RRM2B: variants seen among roughly 807,000 people sequenced by gnomAD.
RRM2B encodes the protein ribonucleoside-diphosphate reductase subunit M2 B.
In RRM2B, 20 loss-of-function variants were observed where a neutral mutation model predicts 45.9. The ratio of observed to expected loss-of-function variants is 0.44; its 90% CI spans 0.31 to 0.63. RRM2B has a LOEUF of 0.63. Among genes scored for constraint, RRM2B ranks in the 30% least tolerant of loss-of-function variants. The pLI is 0.09. For missense variants in RRM2B, 320 were observed against 414.7 expected, an observed-to-expected ratio of 0.77 and a Z score of 1.98; for synonymous variants, 124 against 132.3, an observed-to-expected ratio of 0.94 and a Z score of 0.43.
chr8:102,227,652 C>A (rs1810955567), intron 2 of RRM2B, among the ~76,000 whole-genome samples: 1 of 152,142 alleles, frequency 6.6e-6, no homozygotes, highest in Non-Finnish European at 1.5e-5. Flanking sequence ...GGGGCTATAA[C>A]AAATTACCAT....
At position 102,209,839 on chromosome 8, in the gene RRM2B, A is replaced by G. The variant is rs1810605925; in HGVS notation, c.904-1554T>C. ...CTGATACATGCTACAACATGAATGC[A>G]CCATGAAAACACACTAAGGAAAGAA... On this transcript the variant is annotated intron_variant, in intron 8 of 8. Transcript: ENST00000251810. Among the ~76,000 whole-genome samples the G allele has an allele frequency of 2.0e-5, 3 of 152,362 alleles. No homozygotes were observed. The South Asian group carries it at 6.2e-4, about 32-fold the overall frequency.
intron 1 of RRM2B, among the ~76,000 whole-genome samples, chr8:102,236,470 G>A (rs182924167): frequency 1.3e-5 from 2 of 152,346 alleles, no homozygotes; most frequent in East Asian, 3.9e-4. Context: ...AGATGGAAAT[G>A]AGGACTTGAA....
In RRM2B at chr8:102,205,458, T is replaced by A. The variant is rs3735720; in HGVS notation, c.*2675A>T. ...CAAGACAAGGCTGGGGCCAGCTTAGTTGTAAGAAAAACTATTATTGTATAT... is the reference window on the plus strand; with the variant it reads ...CAAGACAAGGCTGGGGCCAGCTTAGATGTAAGAAAAACTATTATTGTATAT... On this transcript the variant is annotated 3_prime_UTR_variant, in exon 9 of 9. Transcript: ENST00000251810. The A allele has an allele frequency of 6.6e-6, 1 of 152,098 alleles. No individual in the cohort carries two copies. The highest frequency in any genetic ancestry group is 1.5e-5 in the Non-Finnish European group (1 of 67,964). The allele number at this position is 152,098 out of a possible 1,614,324, so 9.4% of individuals were successfully genotyped here. A position where few individuals can be genotyped will look rare whatever the true frequency, so the allele number is the denominator to read the frequency against.
intron 6 of RRM2B, among the ~76,000 whole-genome samples, chr8:102,218,318 G>GGT (rs1312939016): frequency 1.3e-5 from 2 of 152,122 alleles, no homozygotes; most frequent in Non-Finnish European, 2.9e-5. Flanking sequence ...GAGGAGAAAT[G>GGT]GTAAGAGACA....
chr8:102,213,921 G>A (rs1193244514), intron 7 of RRM2B, 133 bp downstream of exon 7: 4 of 695,682 alleles, frequency 5.7e-6, no homozygotes, highest in African/African-American at 5.3e-5. Flanking sequence ...TCATGTATTG[G>A]TATTGTCAGG....
intron 7 of RRM2B, among the ~76,000 whole-genome samples, chr8:102,213,771 A>C (rs1391392105): frequency 6.6e-6 from 1 of 152,206 alleles, no homozygotes; most frequent in Non-Finnish European, 1.5e-5. Context: ...TAATTAGCTG[A>C]TCATGGCATA....
At chr8:102,224,497 C>G (rs1482039676) in intron 4 of RRM2B, among the ~76,000 whole-genome samples, 1 of 152,142 alleles carries the variant, frequency 6.6e-6, no homozygotes, top group Non-Finnish European at 1.5e-5. Context: ...CTTAATTGGA[C>G]TAAACTTAAT....
At chr8:102,222,222 C>T (rs1810849376) in intron 5 of RRM2B, among the ~76,000 whole-genome samples, 1 of 152,024 alleles carries the variant, frequency 6.6e-6, no homozygotes, top group Admixed American at 6.6e-5. Context: ...TATACAGGTG[C>T]ATGCCACCAC....
At chr8:102,218,232 A>C (rs1482755496) in intron 6 of RRM2B, among the ~76,000 whole-genome samples, 1 of 152,200 alleles carries the variant, frequency 6.6e-6, no homozygotes, top group Non-Finnish European at 1.5e-5. Flanking sequence ...ATCAGCCAGG[A>C]GGGCATATAT....
intron 6 of RRM2B, among the ~76,000 whole-genome samples, chr8:102,217,986 A>T (rs1245876987): frequency 6.6e-6 from 1 of 152,238 alleles, no homozygotes; most frequent in Admixed American, 6.5e-5. Context: ...AAAGAAGGAT[A>T]GAGACACTCA....
At chr8:102,217,425 C>T (rs1336673747) in intron 6 of RRM2B, among the ~76,000 whole-genome samples, 3 of 151,830 alleles carry the variant, frequency 2.0e-5, no homozygotes, top group Non-Finnish European at 2.9e-5. Flanking sequence ...AATTTAAAGC[C>T]ATGAAAAAGC....
chr8:102,223,029 G>A (rs28928579), intron 5 of RRM2B, among the ~76,000 whole-genome samples: 4 of 152,124 alleles, frequency 2.6e-5, no homozygotes, highest in Admixed American at 2.0e-4. Flanking sequence ...AAAGGGGCCT[G>A]AGACCAAAAA....
chr8:102,234,456 A>C (rs749101580), intron 1 of RRM2B, among the ~76,000 whole-genome samples: 2 of 152,148 alleles, frequency 1.3e-5, no homozygotes, highest in African/African-American at 2.4e-5. Context: ...TTTGAATACA[A>C]TTTCAGAAAG....
Position 102,238,663 on chromosome 8 carries a change from G to A in RRM2B, c.48+164C>T, listed in dbSNP as rs777054200. 15 of 1,538,168 alleles carry A rather than the reference G, an allele frequency of 9.8e-6. No homozygotes were observed. In the African/African-American group the frequency reaches 1.8e-4, roughly 18 times the overall value. ...TCCTTCCTCCGCCCTCCCCGGGGAC[G>A]GCCTCCCCGGCGCTCGCAACGACGA... On this transcript the variant is annotated intron_variant, in intron 1 of 8. Coordinates refer to ENST00000251810, the MANE Select transcript of RRM2B (RefSeq NM_015713.5).
At chr8:102,212,716 T>G (rs192357670) in intron 8 of RRM2B, 60 bp downstream of exon 8, 398 of 857,882 alleles carry the variant, frequency 4.6e-4, no homozygotes, top group Middle Eastern at 8.7e-4. Context: ...AATTATACTT[T>G]AGGGTCCTTG....
chr8:102,214,290 A>C (rs1810687510), intron 6 of RRM2B, 132 bp from the exon 7 acceptor site: 2 of 698,104 alleles, frequency 2.9e-6, no homozygotes, highest in Non-Finnish European at 5.2e-6. Flanking sequence ...AGAGGGGTTA[A>C]TAGGACTAGG....
chr8:102,233,376 T>C (rs1398544569), intron 1 of RRM2B, among the ~76,000 whole-genome samples: 2 of 152,226 alleles, frequency 1.3e-5, no homozygotes, highest in Non-Finnish European at 2.9e-5. Flanking sequence ...TTTAACTACT[T>C]GTTTAAAGGT....
chr8:102,208,435 C>T, intron 8 of RRM2B, 150 bp from the exon 9 acceptor site: 1 of 657,826 alleles, frequency 1.5e-6, no homozygotes, highest in Non-Finnish European at 2.6e-6. Context: ...CCTGGAGGTA[C>T]TCAAGGCTGA....
rs757415201 is a variant in RRM2B, at chr8:102,232,150, T to G, written c.203A>C (p.Glu68Ala). The G allele has an allele frequency of 6.2e-7, 1 of 1,614,002 alleles. No individual in the cohort carries two copies. The highest frequency in any genetic ancestry group is 1.1e-5 in the South Asian group (1 of 91,076). ...QAQASFWTAE[E>A]VDLSKDLPHW... ...GCTCTTGGAGGCAATGCCACGTACCTCTTCTGCTGTCCAGAAGGAAGCCTG... is the reference window on the plus strand; with the variant it reads ...GCTCTTGGAGGCAATGCCACGTACCGCTTCTGCTGTCCAGAAGGAAGCCTG... The change falls in exon 2 of 9, where the codon GAG becomes GCG. Residue 68 changes from glutamate to alanine, a missense_variant and splice_region_variant. Glu to Ala is a moderately radical substitution (Grantham distance 107). Transcript: ENST00000251810.
Sources: gnomAD v4.1 joint callset for allele counts (sites outside exome capture counted in the v4.1 genomes callset) on GRCh38, gnomAD v4.1.1 for gene constraint, MANE v1.5 for transcripts, NCBI Gene and HGNC (gene_info 2026-07-23, HGNC 2026-07-21) for gene names.